Variants in RBFOX1 observed in about 807,000 individuals in gnomAD.
RBFOX1 encodes the protein RNA binding protein fox-1 homolog 1.
RBFOX1 carries 8 observed loss-of-function variants against 57.7 expected under a neutral mutation model. The observed-to-expected ratio is 0.14, with a 90% CI of 0.08 to 0.25. The LOEUF (loss-of-function observed/expected upper bound fraction) is 0.25. Among genes scored for constraint, RBFOX1 ranks in the 10% least tolerant of loss-of-function variants. RBFOX1 has a pLI of 1.00. For missense variants in RBFOX1, 611 were observed against 548.5 expected (o/e 1.11, Z -1.14); for synonymous variants, 326 against 222.4 (o/e 1.47, Z -4.15).
chr16:6,949,009 G>A (rs375082975), intron 3 of RBFOX1, among the ~76,000 whole-genome samples: 9 of 151,976 alleles, frequency 5.9e-5, no homozygotes, highest in Non-Finnish European at 1.2e-4. Flanking sequence ...AGGGATTCTC[G>A]ATTAAGAAAA....
chr16:6,943,944 C>G (rs1043687715), intron 3 of RBFOX1, among the ~76,000 whole-genome samples: 1 of 152,176 alleles, frequency 6.6e-6, no homozygotes, highest in Non-Finnish European at 1.5e-5. Context: ...CCTGGAGTCT[C>G]TCTGAATCTG....
At chr16:5,303,871 A>G (rs890743898) in intron 1 of RBFOX1, among the ~76,000 whole-genome samples, 2 of 152,146 alleles carry the variant, frequency 1.3e-5, no homozygotes, top group African/African-American at 2.4e-5. Context: ...GCATCTAAAT[A>G]AGGGAGGAGG....
At chr16:6,394,553 C>G (rs568214935) in intron 2 of RBFOX1, among the ~76,000 whole-genome samples, 1 of 151,396 alleles carries the variant, frequency 6.6e-6, no homozygotes, top group Non-Finnish European at 1.5e-5. Context: ...GCAAAAGAAA[C>G]GAGCTAGAAT....
At chr16:7,658,657 A>G (rs911318188) in intron 12 of RBFOX1, among the ~76,000 whole-genome samples, 11 of 152,174 alleles carry the variant, frequency 7.2e-5, no homozygotes, top group African/African-American at 2.7e-4. Flanking sequence ...CTCAAAGAGG[A>G]ACTCGATGAG....
At chr16:5,343,299 T>TG (rs386384107) in intron 1 of RBFOX1, among the ~76,000 whole-genome samples, 2 of 5,002 alleles carry the variant, frequency 4.0e-4, no homozygotes, top group South Asian at 0.038. Flanking sequence ...TTCTTTGAAG[T>TG]TTTTTTTTTT....
chr16:6,749,561 C>T (rs2074494795), intron 3 of RBFOX1, among the ~76,000 whole-genome samples: 1 of 152,160 alleles, frequency 6.6e-6, no homozygotes, highest in Non-Finnish European at 1.5e-5. Context: ...AGCAGGCAGC[C>T]ATGCCGATTT....
At chr16:7,446,710 C>G (rs1361857486) in intron 4 of RBFOX1, among the ~76,000 whole-genome samples, 1 of 151,520 alleles carries the variant, frequency 6.6e-6, no homozygotes, top group African/African-American at 2.4e-5. Context: ...CACCAGAAAC[C>G]CCAGAATTTT....
intron 5 of RBFOX1, among the ~76,000 whole-genome samples, chr16:7,524,081 C>G (rs2078127853): frequency 6.6e-6 from 1 of 152,194 alleles, no homozygotes; most frequent in Non-Finnish European, 1.5e-5. Flanking sequence ...ATAGCTCTAA[C>G]TCTTCTTTGA....
intron 3 of RBFOX1, among the ~76,000 whole-genome samples, chr16:7,028,335 C>T (rs758653315): frequency 6.4e-4 from 97 of 152,002 alleles, no homozygotes; most frequent in Non-Finnish European, 1.2e-3. Flanking sequence ...ATTGCTCTGC[C>T]TGGGCTCAGG....
intron 4 of RBFOX1, among the ~76,000 whole-genome samples, chr16:7,455,565 G>A (rs1448605752): frequency 1.3e-5 from 2 of 151,990 alleles, no homozygotes; most frequent in African/African-American, 4.8e-5. Flanking sequence ...GCCGAGGAGG[G>A]CAGATTTCTT....
intron 4 of RBFOX1, among the ~76,000 whole-genome samples, chr16:7,424,077 G>C (rs911849813): frequency 6.6e-6 from 1 of 152,054 alleles, no homozygotes; most frequent in African/African-American, 2.4e-5. Context: ...TATTTCTTTG[G>C]TTTATTCTGA....
chr16:6,866,541 A>ATTTTTTTTTTTTTTT lies in RBFOX1; in HGVS notation c.-15-185512_-15-185498dup, dbSNP rs56678526. Among the ~76,000 whole-genome samples the ATTTTTTTTTTTTTTT allele has an allele frequency of 3.6e-3, 282 of 78,858 alleles. 23 individuals are homozygous for ATTTTTTTTTTTTTTT. The highest frequency in any genetic ancestry group is 5.7e-3 in the East Asian group (12 of 2,104). 51.7% of individuals were successfully genotyped at this position (78,858 alleles called of 152,430 possible). Reference sequence around the variant, plus strand: ...TAAGGTTAGGGCTTTCTTTCCTTCTATTTTTTTTTTTTTTTTTTGAGTTGG... The same window carrying ATTTTTTTTTTTTTTT: ...TAAGGTTAGGGCTTTCTTTCCTTCTATTTTTTTTTTTTTTTTTTTTTTTTTTTTTTTTTGAGTTGG... On this transcript the variant is annotated intron_variant, in intron 3 of 15. Transcript: ENST00000550418.
intron 4 of RBFOX1, among the ~76,000 whole-genome samples, chr16:7,151,359 A>G (rs937406235): frequency 1.3e-5 from 2 of 152,198 alleles, no homozygotes; most frequent in African/African-American, 4.8e-5. Context: ...TTATTGGCTC[A>G]TGAAATTAGG....
At chr16:5,318,510 C>G (rs1023752753) in intron 1 of RBFOX1, among the ~76,000 whole-genome samples, 2 of 152,116 alleles carry the variant, frequency 1.3e-5, no homozygotes, top group South Asian at 4.2e-4. Context: ...ATGCCTGTCC[C>G]CTCCCTGCAC....
intron 1 of RBFOX1, among the ~76,000 whole-genome samples, chr16:5,350,093 T>C (rs1030403460): frequency 1.3e-5 from 2 of 152,176 alleles, no homozygotes; most frequent in Non-Finnish European, 2.9e-5. Context: ...AGTGGGATCT[T>C]TTAATATTCA....
At chr16:5,923,219 A>G (rs910806818) in intron 4 of RBFOX1, among the ~76,000 whole-genome samples, 15 of 152,200 alleles carry the variant, frequency 9.9e-5, no homozygotes, top group African/African-American at 2.7e-4. Context: ...CAGGGAAGAG[A>G]TTTACAATTT....
intron 3 of RBFOX1, among the ~76,000 whole-genome samples, chr16:6,773,499 T>A (rs987423218): frequency 3.4e-5 from 5 of 148,126 alleles, no homozygotes; most frequent in Non-Finnish European, 7.4e-5. Context: ...TTTGTGTGTG[T>A]CTATGTGTAT....
chr16:5,816,272 T>C (rs2055632571), intron 3 of RBFOX1, among the ~76,000 whole-genome samples: 1 of 152,112 alleles, frequency 6.6e-6, no homozygotes, highest in South Asian at 2.1e-4. Flanking sequence ...TCCTTCAAGC[T>C]CTCTTCCTCC....
chr16:6,486,500 T>A (rs557988024), intron 2 of RBFOX1, among the ~76,000 whole-genome samples: 36 of 152,274 alleles, frequency 2.4e-4, no homozygotes, highest in Non-Finnish European at 4.3e-4. Flanking sequence ...TTCACGTGTC[T>A]TAGTCTCAAA....
Sources: allele counts gnomAD v4.1 joint callset (sites outside exome capture counted in the v4.1 genomes callset), GRCh38; gene constraint gnomAD v4.1.1; transcripts MANE v1.5; gene names NCBI Gene and HGNC (gene_info 2026-07-23, HGNC 2026-07-21).